SORCS3: variants seen among roughly 807,000 people sequenced by gnomAD.
The protein encoded by SORCS3 is VPS10 domain-containing receptor SorCS3.
Under a neutral mutation model 146.3 loss-of-function variants are expected in SORCS3, and 57 were observed. The observed-to-expected ratio is 0.39, with a 90% CI of 0.31 to 0.49. The LOEUF (loss-of-function observed/expected upper bound fraction) is 0.49. Ranked by LOEUF, SORCS3 falls within the 20% of genes least tolerant of loss-of-function variation. The pLI is 0.92. For missense variants in SORCS3, 1,341 were observed against 1,575.5 expected (o/e 0.85, Z 2.52); for synonymous variants, 653 against 618.5 (o/e 1.06, Z -0.83).
At chr10:104,785,445 G>A (rs549660832) in intron 1 of SORCS3, among the ~76,000 whole-genome samples, 1 of 141,414 alleles carries the variant, frequency 7.1e-6, no homozygotes, top group Non-Finnish European at 1.5e-5. Flanking sequence ...CAAACACTGC[G>A]GAAGGCCGCA....
chr10:105,083,366 C>A (rs2055638276), intron 5 of SORCS3, among the ~76,000 whole-genome samples: 1 of 151,992 alleles, frequency 6.6e-6, no homozygotes, highest in African/African-American at 2.4e-5. Context: ...TAGTTCTGCA[C>A]TGAATACTGC....
chr10:104,665,728 G>A (rs1442863033), intron 1 of SORCS3: 1 of 152,194 alleles, frequency 6.6e-6, no homozygotes, highest in African/African-American at 2.4e-5. Flanking sequence ...CTCTGGGATT[G>A]TTCTTAACAA....
chr10:105,229,337 T>G (rs1020039940), intron 20 of SORCS3, among the ~76,000 whole-genome samples: 33 of 152,176 alleles, frequency 2.2e-4, no homozygotes, highest in Admixed American at 2.1e-3. Flanking sequence ...TTCCTTTTCT[T>G]GGATTTTATA....
intron 13 of SORCS3, among the ~76,000 whole-genome samples, chr10:105,175,207 T>C (rs2056390375): frequency 6.7e-6 from 1 of 149,050 alleles, no homozygotes; most frequent in African/African-American, 2.5e-5. Context: ...GCCATCATGC[T>C]TGGCTAATTT....
At chr10:105,030,579 G>A (rs989449003) in intron 4 of SORCS3, among the ~76,000 whole-genome samples, 2 of 149,010 alleles carry the variant, frequency 1.3e-5, no homozygotes, top group East Asian at 2.0e-4. Flanking sequence ...GCTCTCCAAA[G>A]AAGATGCTGA....
chr10:104,912,626 C>T (rs561721622), intron 2 of SORCS3, among the ~76,000 whole-genome samples: 3 of 152,324 alleles, frequency 2.0e-5, no homozygotes, highest in Middle Eastern at 6.8e-3. Context: ...TGGACAATCT[C>T]ATTCATCCAT....
intron 5 of SORCS3, among the ~76,000 whole-genome samples, chr10:105,056,912 G>C (rs770551539): frequency 2.0e-5 from 3 of 152,106 alleles, no homozygotes; most frequent in Admixed American, 6.6e-5. Flanking sequence ...ATTTCAGTTA[G>C]ATTGTATGAC....
chr10:104,974,616 T>G (rs963630133), intron 3 of SORCS3, among the ~76,000 whole-genome samples: 8 of 152,220 alleles, frequency 5.3e-5, no homozygotes, highest in Non-Finnish European at 1.2e-4. Context: ...GTTTCTTGAA[T>G]ACAGCATACT....
chr10:105,258,693 T>C (rs1359875644), intron 25 of SORCS3, among the ~76,000 whole-genome samples: 1 of 152,250 alleles, frequency 6.6e-6, no homozygotes, highest in Non-Finnish European at 1.5e-5. Flanking sequence ...AACTTACTAA[T>C]GTAGGCATCT....
intron 5 of SORCS3, among the ~76,000 whole-genome samples, chr10:105,079,333 C>T (rs2055608483): frequency 6.6e-6 from 1 of 152,158 alleles, no homozygotes; most frequent in Non-Finnish European, 1.5e-5. Flanking sequence ...TACTAATATT[C>T]AGCCCGGGTC....
intron 20 of SORCS3, among the ~76,000 whole-genome samples, chr10:105,236,965 T>C (rs754487647): frequency 3.3e-5 from 5 of 152,200 alleles, no homozygotes; most frequent in African/African-American, 1.2e-4. Flanking sequence ...ACCTACCTCA[T>C]ATATATTATG....
rs1041648968 is a variant in SORCS3 at position 105,134,810 on chromosome 10, C to T, written c.1213-4587C>T. 2.2e-4 allele frequency among the ~76,000 whole-genome samples: 33 copies of T among 152,118 alleles called. 1 individual carries two copies. On this transcript the variant is annotated intron_variant, in intron 7 of 26. Transcript: ENST00000369701. ...AAATATGTTCGTTTCATCCCAATAG[C>T]TTCAAATGTGTTAATTTGTTCCAGC...
intron 1 of SORCS3, chr10:104,665,473 C>T (rs998203218): frequency 1.3e-5 from 2 of 152,202 alleles, no homozygotes; most frequent in African/African-American, 4.8e-5. Flanking sequence ...CTTAGTCACT[C>T]TGAAATTCCA....
intron 1 of SORCS3, among the ~76,000 whole-genome samples, chr10:104,777,182 T>C (rs2017319528): frequency 6.6e-6 from 1 of 152,182 alleles, no homozygotes; most frequent in African/African-American, 2.4e-5. Flanking sequence ...AACCTGGAAC[T>C]TGAGGTGACT....
chr10:105,159,810 G>C (rs2056246814), intron 11 of SORCS3, among the ~76,000 whole-genome samples: 1 of 152,140 alleles, frequency 6.6e-6, no homozygotes. Flanking sequence ...CTCTAGGCAT[G>C]GCTTCCTTCT....
At chr10:105,257,328 A>T (rs1203656135) in intron 25 of SORCS3, among the ~76,000 whole-genome samples, 2 of 152,212 alleles carry the variant, frequency 1.3e-5, no homozygotes, top group Admixed American at 1.3e-4. Flanking sequence ...ACATACATGT[A>T]CAGACACCGA....
intron 1 of SORCS3, among the ~76,000 whole-genome samples, chr10:104,788,230 G>A (rs915347352): frequency 6.6e-6 from 1 of 152,150 alleles, no homozygotes; most frequent in African/African-American, 2.4e-5. Context: ...GAGCCAAAAG[G>A]CCATTTATTG....
intron 4 of SORCS3, among the ~76,000 whole-genome samples, chr10:104,992,972 T>C (rs748496072): frequency 3.3e-5 from 5 of 152,162 alleles, no homozygotes; most frequent in Non-Finnish European, 7.4e-5. Flanking sequence ...AGAGGACCTG[T>C]ATAAAGGTTA....
Position 105,105,473 on chromosome 10 carries a change from C to T in SORCS3, c.1170C>T (p.Asp390=). The T allele has an allele frequency of 1.2e-6, 2 of 1,613,642 alleles. No homozygotes were observed. The part of the protein sequence containing the change: ...TRSGPFARSI[D]ISSLVVQDEY... The stretch of plus-strand genomic sequence containing the variant: ...GTGGGCCTTTTGCCCGCTCCATTGA[C>T]ATCAGTTCCCTGGTTGTCCAGGATG... Residue 390 remains aspartate, a synonymous_variant, in exon 7 of 27, where the codon GAC becomes GAT. Coordinates refer to ENST00000369701, the MANE Select transcript of SORCS3 (RefSeq NM_014978.3).
Sources: allele counts gnomAD v4.1 joint callset (sites outside exome capture counted in the v4.1 genomes callset), GRCh38; gene constraint gnomAD v4.1.1; transcripts MANE v1.5; gene names NCBI Gene and HGNC (gene_info 2026-07-23, HGNC 2026-07-21).